Variants in CDKL3 observed in about 807,000 individuals in gnomAD.
CDKL3 encodes the protein cyclin-dependent kinase-like 3.
CDKL3 carries 65 observed loss-of-function variants against 69.3 expected under a neutral mutation model. The observed-to-expected ratio is 0.94, with a 90% confidence interval of 0.77 to 1.15. The LOEUF (loss-of-function observed/expected upper bound fraction) is 1.15. Among genes scored for constraint, CDKL3 ranks in the 50% most tolerant of loss-of-function variants. The pLI, the probability that CDKL3 is intolerant of heterozygous loss-of-function variation, is 0.00. For missense variants in CDKL3, 652 were observed against 689.2 expected (o/e 0.95, Z 0.61); for synonymous variants, 202 against 221.6 (o/e 0.91, Z 0.79).
At chr5:134,330,973 G>T (rs1775643927) in intron 4 of CDKL3, among the ~76,000 whole-genome samples, 1 of 152,198 alleles carries the variant, frequency 6.6e-6, no homozygotes, top group African/African-American at 2.4e-5. Context: ...GTTTTTCAAA[G>T]AAATGCTTCA....
intron 10 of CDKL3, among the ~76,000 whole-genome samples, chr5:134,305,361 A>C (rs774931877): frequency 6.6e-5 from 10 of 152,046 alleles, no homozygotes; most frequent in Non-Finnish European, 1.5e-5. Flanking sequence ...CAATCCTCCC[A>C]GCTCAGTCTC....
chr5:134,291,786 A>AT (rs1765137240), intron 8 of CDKL3, among the ~76,000 whole-genome samples: 1 of 152,080 alleles, frequency 6.6e-6, no homozygotes, highest in African/African-American at 2.4e-5. Context: ...AAAAAAAAAA[A>AT]AGGAACTCTT....
intron 7 of CDKL3, among the ~76,000 whole-genome samples, chr5:134,309,797 G>A (rs1204458608): frequency 6.6e-6 from 1 of 152,174 alleles, no homozygotes; most frequent in East Asian, 1.9e-4. Flanking sequence ...CTTCGTCTGT[G>A]TAGAAGTGAT....
chr5:134,336,876 G>T (rs887391045), intron 4 of CDKL3, among the ~76,000 whole-genome samples: 9 of 152,206 alleles, frequency 5.9e-5, no homozygotes, highest in African/African-American at 2.2e-4. Flanking sequence ...GTCAGGCAGG[G>T]ACGTTTAAGT....
chr5:134,314,223 A>G (rs1303107620), intron 6 of CDKL3, among the ~76,000 whole-genome samples: 1 of 152,220 alleles, frequency 6.6e-6, no homozygotes, highest in Non-Finnish European at 1.5e-5. Context: ...TTTAGAATAT[A>G]ATGGTAATCT....
chr5:134,371,475 G>A, upstream of CDKL3: 1 of 885,588 alleles, frequency 1.1e-6, no homozygotes, highest in Non-Finnish European at 1.6e-6. Context: ...TGTCAGTCTC[G>A]GCGGCGGCGG....
chr5:134,286,360 A>AT (rs1402884756), downstream of CDKL3: 4 of 159,224 alleles, frequency 2.5e-5, no homozygotes, highest in African/African-American at 9.6e-5. Context: ...GGTCAAAGCC[A>AT]TTCAACAAGT....
chr5:134,341,557 T>G (rs552134420), intron 4 of CDKL3, among the ~76,000 whole-genome samples: 1 of 152,348 alleles, frequency 6.6e-6, no homozygotes, highest in East Asian at 1.9e-4. Context: ...AGTAAGGTTT[T>G]CCTTTTAATG....
chr5:134,364,508 C>T (rs1335913866), intron 2 of CDKL3, among the ~76,000 whole-genome samples: 2 of 152,082 alleles, frequency 1.3e-5, no homozygotes, highest in African/African-American at 4.8e-5. Flanking sequence ...GTCTTCTACA[C>T]TCTTTCATGT....
At chr5:134,361,911 T>C (rs1252287145) in intron 2 of CDKL3, among the ~76,000 whole-genome samples, 4 of 151,956 alleles carry the variant, frequency 2.6e-5, no homozygotes, top group African/African-American at 9.7e-5. Context: ...TCTCAAGGAA[T>C]TGATTGCTTT....
At chr5:134,344,921 CG>C (rs1329840677) in intron 4 of CDKL3, among the ~76,000 whole-genome samples, 2 of 151,866 alleles carry the variant, frequency 1.3e-5, no homozygotes, top group Non-Finnish European at 2.9e-5. Flanking sequence ...AAAAATTAGC[CG>C]GGTGTGGTGC....
downstream of CDKL3, among the ~76,000 whole-genome samples, chr5:134,297,013 C>T (rs1455062311): frequency 2.1e-5 from 3 of 145,994 alleles, no homozygotes; most frequent in Admixed American, 7.1e-5. Context: ...AGTGCAGTGG[C>T]CCCATCCAGC....
Position 134,319,338 on chromosome 5 carries a change from GAA to G in CDKL3, c.792+18_792+19del, listed in dbSNP as rs77760502. On this transcript the variant is annotated intron_variant, in intron 6 of 12. Coordinates refer to ENST00000265334, the MANE Select transcript of CDKL3 (RefSeq NM_001113575.2). ...GAGCAAGACTCTGTCTCCGGGGGAGGAAAAAAAAAAAAAACATACATGAACTA... is the reference window on the plus strand; with the variant it reads ...GAGCAAGACTCTGTCTCCGGGGGAGGAAAAAAAAAAAACATACATGAACTA... 1,820 of 1,199,566 alleles carry G rather than the reference GAA, an allele frequency of 1.5e-3. No homozygotes were observed. Among genetic ancestry groups the G allele is most frequent in the Admixed American group, 3.5e-3 (107 of 30,370 alleles). 74.3% of individuals were successfully genotyped at this position (1,199,566 alleles called of 1,614,324 possible). A position where few individuals can be genotyped will look rare whatever the true frequency, so the allele number is the denominator to read the frequency against.
At chr5:134,291,874 A>C (rs1195336086) in intron 8 of CDKL3, among the ~76,000 whole-genome samples, 1 of 152,192 alleles carries the variant, frequency 6.6e-6, no homozygotes, top group Non-Finnish European at 1.5e-5. Flanking sequence ...ACTGTATAAA[A>C]TATATAAAAC....
chr5:134,292,602 C>T (rs1034706134), intron 8 of CDKL3, among the ~76,000 whole-genome samples: 1 of 151,590 alleles, frequency 6.6e-6, no homozygotes, highest in East Asian at 1.9e-4. Context: ...AATATAAGAA[C>T]ATAACTCAAT....
intron 9 of CDKL3, 158 bp downstream of exon 9, chr5:134,307,980 C>T: frequency 8.8e-7 from 1 of 1,139,032 alleles, no homozygotes; most frequent in Admixed American, 3.4e-5. Flanking sequence ...TCTACAGCAT[C>T]CATAAGAAAC....
At position 134,290,341 on chromosome 5, in the gene CDKL3, G is replaced by A. The variant is rs562431734; in HGVS notation, c.*678-3782C>T. ...CTGTACTACAGACTGGTGACAGAGT[G>A]AGACTCTGTCTCAAAAAAAAAAAAA... On this transcript the variant is annotated intron_variant and NMD_transcript_variant, in intron 8 of 8. Transcript: ENST00000519312. Among the ~76,000 whole-genome samples the A allele has an allele frequency of 4.8e-5, 6 of 124,966 alleles. No homozygotes were observed. The South Asian group carries it at 1.4e-3, about 30-fold the overall frequency. The allele number at this position is 124,966 out of a possible 152,430, so 82.0% of individuals were successfully genotyped here. A position where few individuals can be genotyped will look rare whatever the true frequency, so the allele number is the denominator to read the frequency against.
At chr5:134,309,858 G>C (rs567455978) in intron 7 of CDKL3, among the ~76,000 whole-genome samples, 1 of 152,076 alleles carries the variant, frequency 6.6e-6, no homozygotes, top group African/African-American at 2.4e-5. Flanking sequence ...TTCAGACACG[G>C]TCTCTCTCTG....
At chr5:134,312,111 C>G (rs771759843) in intron 7 of CDKL3, among the ~76,000 whole-genome samples, 181 bp downstream of exon 7, 12 of 152,114 alleles carry the variant, frequency 7.9e-5, no homozygotes, top group Non-Finnish European at 1.6e-4. Context: ...TTAGGCTTTT[C>G]ATTCGTGACA....
Sources: allele counts gnomAD v4.1 joint callset (sites outside exome capture counted in the v4.1 genomes callset), GRCh38; gene constraint gnomAD v4.1.1; transcripts MANE v1.5; gene names NCBI Gene and HGNC (gene_info 2026-07-23, HGNC 2026-07-21).